Variants in RAB38 observed in about 807,000 individuals in gnomAD.
RAB38 encodes the protein RAB38, member RAS oncogene family.
In RAB38, 15 loss-of-function variants were observed where a neutral mutation model predicts 18.4. The observed-to-expected ratio is 0.82, with a 90% CI of 0.55 to 1.26. The LOEUF is 1.26. Ranked by LOEUF, RAB38 falls within the 50% of genes most tolerant of loss-of-function variation. The probability of loss-of-function intolerance (pLI) is 0.00; values close to 1 mark genes in which losing one functional copy is unlikely to be tolerated. For missense variants in RAB38, 294 were observed against 267.4 expected, an observed-to-expected ratio of 1.10 and a Z score of -0.69; for synonymous variants, 101 against 104.4, an observed-to-expected ratio of 0.97 and a Z score of 0.20.
At chr11:87,947,420 T>G in the RAB38 span, among the ~76,000 whole-genome samples, 1 of 152,252 alleles carries the variant, frequency 6.6e-6, no homozygotes, top group African/African-American at 2.4e-5. Flanking sequence ...ATTTTGGCTT[T>G]GGTTGCCATT....
chr11:87,977,987 C>T, the RAB38 span, among the ~76,000 whole-genome samples: 30,249 of 30,252 alleles, frequency 1, 15,123 homozygotes, highest in Non-Finnish European at 1. Flanking sequence ...AAATACATAT[C>T]TTATAAACTA....
At chr11:87,839,805 A>C in the RAB38 span, among the ~76,000 whole-genome samples, 2 of 152,332 alleles carry the variant, frequency 1.3e-5, no homozygotes, top group African/African-American at 4.8e-5. Context: ...CATTCATATT[A>C]ACTTACTGAC....
At chr11:88,011,625 A>T in the RAB38 span, among the ~76,000 whole-genome samples, 4 of 152,220 alleles carry the variant, frequency 2.6e-5, no homozygotes, top group Admixed American at 2.0e-4. Flanking sequence ...GTGAGAATGC[A>T]GCAGGGCTCA....
chr11:88,055,181 G>A, the RAB38 span, among the ~76,000 whole-genome samples: 698 of 152,282 alleles, frequency 4.6e-3, 4 homozygotes, highest in African/African-American at 0.016. Flanking sequence ...AGGCTCTAGT[G>A]CACTATCATC....
At chr11:87,911,620 A>G in the RAB38 span, among the ~76,000 whole-genome samples, 58 of 152,036 alleles carry the variant, frequency 3.8e-4, no homozygotes, top group Admixed American at 1.3e-3. Flanking sequence ...AATTTTCTGA[A>G]GATTCCATAG....
Position 88,114,157 on chromosome 11 carries a change from A to C in RAB38, c.484-17T>G. On this transcript the variant is annotated splice_polypyrimidine_tract_variant and intron_variant, in intron 2 of 2. Transcript: ENST00000243662. ...TATATTTTCCTATGAGGGAAAAAAT[A>C]AAACAGCTTTTCTTATTCAATACTC... 6.2e-7 allele frequency: 1 copy of C among 1,613,416 alleles called. No individual in the cohort carries two copies. The highest frequency in any genetic ancestry group is 1.7e-5 in the Admixed American group (1 of 59,978).
At chr11:88,054,038 T>C in the RAB38 span, among the ~76,000 whole-genome samples, 1 of 152,202 alleles carries the variant, frequency 6.6e-6, no homozygotes, top group Non-Finnish European at 1.5e-5. Flanking sequence ...TGCCTTGATC[T>C]CATGTTCACG....
intron 1 of RAB38, among the ~76,000 whole-genome samples, chr11:88,153,583 T>C (rs1404626295): frequency 1.3e-5 from 2 of 152,144 alleles, no homozygotes; most frequent in Non-Finnish European, 2.9e-5. Flanking sequence ...TAGGCTCTCA[T>C]CAATGTCTCT....
the RAB38 span, among the ~76,000 whole-genome samples, chr11:87,829,951 T>C: frequency 2.0e-5 from 3 of 152,176 alleles, no homozygotes; most frequent in African/African-American, 7.2e-5. Flanking sequence ...CTATATACAA[T>C]GGAATAATTT....
the RAB38 span, among the ~76,000 whole-genome samples, chr11:87,911,698 T>C: frequency 6.6e-6 from 1 of 152,010 alleles, no homozygotes; most frequent in African/African-American, 2.4e-5. Context: ...CTAATATGGA[T>C]GTCATTTATT....
the RAB38 span, among the ~76,000 whole-genome samples, chr11:87,946,447 T>G: frequency 6.6e-6 from 1 of 152,124 alleles, no homozygotes; most frequent in Non-Finnish European, 1.5e-5. Context: ...CGTGCAGGTT[T>G]GTTACATATA....
At chr11:87,948,008 T>C in the RAB38 span, among the ~76,000 whole-genome samples, 1 of 152,228 alleles carries the variant, frequency 6.6e-6, no homozygotes, top group Non-Finnish European at 1.5e-5. Flanking sequence ...TTCATGATAT[T>C]GATTCTTTGT....
chr11:87,976,569 CAATA>C, the RAB38 span, among the ~76,000 whole-genome samples: 28 of 90,548 alleles, frequency 3.1e-4, no homozygotes, highest in East Asian at 2.5e-3. Context: ...TATAACTATA[CAATA>C]AATATATATA....
the RAB38 span, among the ~76,000 whole-genome samples, chr11:88,035,934 A>G: frequency 6.6e-6 from 1 of 151,846 alleles, no homozygotes; most frequent in Non-Finnish European, 1.5e-5. Flanking sequence ...ATTTCAAACC[A>G]CTGCTTTTAA....
intron 2 of RAB38, among the ~76,000 whole-genome samples, chr11:88,130,399 A>C (rs528012430): frequency 1.3e-5 from 2 of 152,360 alleles, no homozygotes; most frequent in East Asian, 3.9e-4. Flanking sequence ...GACAAACTTG[A>C]AGAAAATACT....
the RAB38 span, among the ~76,000 whole-genome samples, chr11:87,827,209 A>G: frequency 6.6e-6 from 1 of 152,294 alleles, no homozygotes; most frequent in South Asian, 2.1e-4. Flanking sequence ...TAACAAATAT[A>G]AATATATCAT....
At chr11:87,863,855 A>C in the RAB38 span, among the ~76,000 whole-genome samples, 1 of 151,716 alleles carries the variant, frequency 6.6e-6, no homozygotes, top group African/African-American at 2.4e-5. Flanking sequence ...GTCTAAGCAT[A>C]ATGTGAAAAC....
the RAB38 span, among the ~76,000 whole-genome samples, chr11:87,820,027 CT>C: frequency 6.6e-6 from 1 of 151,990 alleles, no homozygotes; most frequent in Non-Finnish European, 1.5e-5. Flanking sequence ...CTAAAAAATT[CT>C]GGATAAGATA....
chr11:87,897,095 C>T, the RAB38 span, among the ~76,000 whole-genome samples: 1 of 151,476 alleles, frequency 6.6e-6, no homozygotes, highest in Non-Finnish European at 1.5e-5. Flanking sequence ...AAGTTAGGTA[C>T]TTTTAAAGTG....
Sources: allele counts gnomAD v4.1 joint callset (sites outside exome capture counted in the v4.1 genomes callset), GRCh38; gene constraint gnomAD v4.1.1; transcripts MANE v1.5; gene names NCBI Gene and HGNC (gene_info 2026-07-23, HGNC 2026-07-21).